CEP43: variants seen among roughly 807,000 people sequenced by gnomAD.
The protein encoded by CEP43 is centrosomal protein 43, also known as FGFR1 oncogene partner.
In CEP43, 36 loss-of-function variants were observed where a neutral mutation model predicts 52.6. The observed-to-expected ratio is 0.68, with a 90% CI of 0.52 to 0.90. The LOEUF (loss-of-function observed/expected upper bound fraction) is 0.90. Among genes scored for constraint, CEP43 ranks in the 40% least tolerant of loss-of-function variants. CEP43 has a pLI of 0.00. For missense variants in CEP43, 506 were observed against 472.8 expected, an observed-to-expected ratio of 1.07 and a Z score of -0.65; for synonymous variants, 192 against 172.4, an observed-to-expected ratio of 1.11 and a Z score of -0.89.
intron 12 of CEP43, among the ~76,000 whole-genome samples, chr6:167,035,784 AT>A (rs1345565872): frequency 6.6e-6 from 1 of 151,818 alleles, no homozygotes; most frequent in African/African-American, 2.4e-5. Context: ...AGCCAGGATG[AT>A]CTTGATCTCC....
chr6:167,011,168 TCTC>T (rs1485049659), intron 6 of CEP43, among the ~76,000 whole-genome samples: 4 of 152,252 alleles, frequency 2.6e-5, no homozygotes, highest in Non-Finnish European at 5.9e-5. Flanking sequence ...TCGGACATTT[TCTC>T]CTATTAACAA....
chr6:167,033,102 T>C (rs1218131059), intron 11 of CEP43, among the ~76,000 whole-genome samples: 1 of 22,904 alleles, frequency 4.4e-5, no homozygotes, highest in Admixed American at 7.0e-4. Flanking sequence ...CCATTCTCTT[T>C]TTTTTTTTTT....
intron 10 of CEP43, among the ~76,000 whole-genome samples, chr6:167,029,780 C>T (rs556500790): frequency 1.4e-4 from 21 of 152,218 alleles, no homozygotes; most frequent in African/African-American, 4.6e-4. Context: ...AGGCTGAGTC[C>T]GAAAAGAGAG....
intron 7 of CEP43, among the ~76,000 whole-genome samples, chr6:167,020,047 TA>T: frequency 6.6e-6 from 1 of 152,312 alleles, no homozygotes; most frequent in Non-Finnish European, 1.5e-5. Context: ...CATATTCTTT[TA>T]AAAAGACATA....
chr6:167,012,909 C>T (rs1780016786), intron 6 of CEP43, among the ~76,000 whole-genome samples: 1 of 152,164 alleles, frequency 6.6e-6, no homozygotes, highest in African/African-American at 2.4e-5. Context: ...TTCAGAAATA[C>T]CCTAGATAGT....
chr6:167,023,673 G>A (rs1016616311), intron 8 of CEP43, among the ~76,000 whole-genome samples: 17 of 152,188 alleles, frequency 1.1e-4, no homozygotes, highest in Non-Finnish European at 2.4e-4. Context: ...AAGGAAGCAG[G>A]TCCTGCGCAC....
chr6:166,999,757 C>T (rs1779684976), intron 1 of CEP43: 7 of 513,696 alleles, frequency 1.4e-5, no homozygotes, highest in Non-Finnish European at 6.8e-6. Context: ...CTGCCTCATT[C>T]CGTGGGGGCG....
At chr6:167,017,287 G>C (rs1228292944) in intron 7 of CEP43, among the ~76,000 whole-genome samples, 2 of 152,068 alleles carry the variant, frequency 1.3e-5, no homozygotes, top group Non-Finnish European at 1.5e-5. Flanking sequence ...GAGCCACCGC[G>C]CCTGGCCAAT....
chr6:167,018,580 G>A (rs962952664), intron 7 of CEP43, among the ~76,000 whole-genome samples: 8 of 152,148 alleles, frequency 5.3e-5, no homozygotes, highest in South Asian at 2.1e-4. Flanking sequence ...TAGTAGAGAC[G>A]GGGTTCCACT....
chr6:167,038,822 G>A (rs975725338), intron 12 of CEP43, among the ~76,000 whole-genome samples: 3 of 151,984 alleles, frequency 2.0e-5, no homozygotes, highest in African/African-American at 7.3e-5. Context: ...ATTTCCATAG[G>A]TTTTGGGGGA....
intron 9 of CEP43, 94 bp from the exon 10 acceptor site, chr6:167,026,453 G>GAAGC (rs1780357885): frequency 1.3e-6 from 1 of 758,088 alleles, no homozygotes; most frequent in Admixed American, 2.0e-5. Flanking sequence ...CTGTCATAAA[G>GAAGC]AAGCCCCATA....
chr6:167,005,174 C>T (rs1779824760), intron 5 of CEP43, among the ~76,000 whole-genome samples: 2 of 152,036 alleles, frequency 1.3e-5, no homozygotes, highest in African/African-American at 4.8e-5. Context: ...TTTGGTGAGT[C>T]TCAGAGGATG....
chr6:167,015,581 G>A (rs1475255093), intron 7 of CEP43, among the ~76,000 whole-genome samples: 2 of 152,184 alleles, frequency 1.3e-5, no homozygotes, highest in East Asian at 1.9e-4. Context: ...TCCTGCAGAC[G>A]TGAACTGGGC....
rs1175788969 is a variant in CEP43, at chr6:167,050,712, C to T, written c.*10734C>T. The T allele has an allele frequency of 7.1e-6, 1 of 141,160 alleles. No homozygotes were observed. Among genetic ancestry groups the T allele is most frequent in the Non-Finnish European group, 1.5e-5 (1 of 66,742 alleles). 8.7% of individuals were successfully genotyped at this position (141,160 alleles called of 1,614,324 possible). A position where few individuals can be genotyped will look rare whatever the true frequency, so the allele number is the denominator to read the frequency against. Reference sequence around the variant, plus strand: ...AGGGGAATTGCTTGAACCCTGGAGTCAGAGTTTGCAGTGAGCTGAGATCAT... The same window carrying T: ...AGGGGAATTGCTTGAACCCTGGAGTTAGAGTTTGCAGTGAGCTGAGATCAT... On this transcript the variant is annotated 3_prime_UTR_variant, in exon 13 of 13. Coordinates refer to ENST00000366847, the MANE Select transcript of CEP43 (RefSeq NM_007045.4).
intron 10 of CEP43, chr6:167,027,853 C>A (rs1241233091): frequency 6.1e-6 from 6 of 984,636 alleles, no homozygotes; most frequent in Non-Finnish European, 7.2e-6. Context: ...CGTTACTTTT[C>A]CCCCCATTTG....
rs1288118877 is a variant in CEP43 at position 167,047,793 on chromosome 6, G to A, written c.*7815G>A. 1 of 151,994 alleles carries A rather than the reference G, an allele frequency of 6.6e-6. No individual in the cohort carries two copies. The highest frequency in any genetic ancestry group is 1.5e-5 in the Non-Finnish European group (1 of 68,016). 9.4% of individuals were successfully genotyped at this position (151,994 alleles called of 1,614,324 possible). A position where few individuals can be genotyped will look rare whatever the true frequency, so the allele number is the denominator to read the frequency against. On this transcript the variant is annotated 3_prime_UTR_variant, in exon 13 of 13. Coordinates refer to ENST00000366847, the MANE Select transcript of CEP43 (RefSeq NM_007045.4). ...TGTTAGCGGTATGTGGTAAGAACAT[G>A]AGACACAGAATCAGAAACCATGGAT... is the stretch of plus-strand genomic sequence containing the variant.
At chr6:167,001,804 C>T (rs1048021364) in intron 2 of CEP43, among the ~76,000 whole-genome samples, 1 of 152,146 alleles carries the variant, frequency 6.6e-6, no homozygotes, top group South Asian at 2.1e-4. Flanking sequence ...TCCAGATTGC[C>T]TTATCCCCTT....
intron 7 of CEP43, 99 bp from the exon 8 acceptor site, chr6:167,022,310 C>CACACACAA: frequency 1.3e-6 from 1 of 743,736 alleles, no homozygotes; most frequent in Non-Finnish European, 2.2e-6. Context: ...GTTGCACACA[C>CACACACAA]ACAGGTTTGA....
chr6:167,036,100 T>C (rs892540528), intron 12 of CEP43: 4 of 985,196 alleles, frequency 4.1e-6, no homozygotes, highest in Non-Finnish European at 4.8e-6. Context: ...AGAAAAGCCA[T>C]GTACACAAAC....
Sources: allele counts gnomAD v4.1 joint callset (sites outside exome capture counted in the v4.1 genomes callset), GRCh38; gene constraint gnomAD v4.1.1; transcripts MANE v1.5; gene names NCBI Gene and HGNC (gene_info 2026-07-23, HGNC 2026-07-21).